The following FERRY3 variants were observed in gnomAD, a reference collection of about 807,000 sequenced individuals.
FERRY3 encodes protein C12orf4.
chr12:4,516,770 T>C, the FERRY3 span, among the ~76,000 whole-genome samples: 2 of 152,282 alleles, frequency 1.3e-5, no homozygotes, highest in Admixed American at 1.3e-4. Context: ...ACCTAGGCGA[T>C]GGGTTGATCT....
At chr12:4,537,747 G>A in the FERRY3 span, among the ~76,000 whole-genome samples, 18 of 152,062 alleles carry the variant, frequency 1.2e-4, no homozygotes, top group East Asian at 1.9e-4. Context: ...AAAATTAAAC[G>A]TAAAGCAATA....
chr12:4,517,149 G>C, the FERRY3 span: 2 of 1,589,510 alleles, frequency 1.3e-6, no homozygotes, highest in South Asian at 1.2e-5. Context: ...CAATTCGGGG[G>C]AAATGGAAGT....
the FERRY3 span, chr12:4,536,030 G>C: frequency 1.9e-6 from 3 of 1,558,006 alleles, no homozygotes; most frequent in Non-Finnish European, 2.6e-6. Flanking sequence ...TTTCTATAAA[G>C]CACGGTAAAC....
chr12:4,515,747 T>C, the FERRY3 span, among the ~76,000 whole-genome samples: 1 of 152,192 alleles, frequency 6.6e-6, no homozygotes, highest in African/African-American at 2.4e-5. Flanking sequence ...TGTGATTATA[T>C]TTAACAATAT....
At chr12:4,506,206 T>C in the FERRY3 span, among the ~76,000 whole-genome samples, 1 of 152,166 alleles carries the variant, frequency 6.6e-6, no homozygotes. Flanking sequence ...AAAGTAGCTA[T>C]CTTTAAGAGA....
chr12:4,515,313 G>A, the FERRY3 span, among the ~76,000 whole-genome samples: 4 of 152,230 alleles, frequency 2.6e-5, no homozygotes, highest in Non-Finnish European at 1.5e-5. Context: ...CTTATGATCC[G>A]GCAACTCCAC....
At chr12:4,504,229 G>A in the FERRY3 span, among the ~76,000 whole-genome samples, 2 of 152,166 alleles carry the variant, frequency 1.3e-5, no homozygotes, top group African/African-American at 4.8e-5. Flanking sequence ...TTCGTGTGTA[G>A]GTTAATGTGA....
the FERRY3 span, chr12:4,509,326 C>T: frequency 3.2e-4 from 58 of 179,798 alleles, 1 homozygote; most frequent in South Asian, 6.9e-3. Flanking sequence ...GGGGGAGGGG[C>T]GCCCGCCATT....
chr12:4,536,218 A>C, the FERRY3 span: 1 of 1,498,264 alleles, frequency 6.7e-7, no homozygotes, highest in Non-Finnish European at 9.0e-7. Context: ...ATTTCTACAG[A>C]ACTAACAAAA....
At chr12:4,522,818 A>G in the FERRY3 span, among the ~76,000 whole-genome samples, 2 of 152,278 alleles carry the variant, frequency 1.3e-5, no homozygotes, top group Non-Finnish European at 2.9e-5. Flanking sequence ...GGATGATAGA[A>G]TAGTACTGAG....
At chr12:4,501,271 T>C in the FERRY3 span, among the ~76,000 whole-genome samples, 1 of 152,238 alleles carries the variant, frequency 6.6e-6, no homozygotes, top group East Asian at 1.9e-4. Flanking sequence ...CCTTACTCCC[T>C]ACTTGTCCAC....
chr12:4,491,234 C>T, the FERRY3 span: 1 of 1,611,668 alleles, frequency 6.2e-7, no homozygotes, highest in South Asian at 1.1e-5. Flanking sequence ...ATAGTCATTT[C>T]CTAAAAACAG....
At chr12:4,534,117 AG>A in the FERRY3 span, 1 of 1,519,840 alleles carries the variant, frequency 6.6e-7, no homozygotes, top group Non-Finnish European at 8.8e-7. Flanking sequence ...ACCAAAATCC[AG>A]AATATCCTTG....
At chr12:4,491,053 A>G in the FERRY3 span, 1 of 811,948 alleles carries the variant, frequency 1.2e-6, no homozygotes, top group South Asian at 1.7e-5. Context: ...TTTGCTTGCT[A>G]AACTATCTAA....
the FERRY3 span, chr12:4,517,238 A>G: frequency 2.1e-6 from 3 of 1,440,610 alleles, no homozygotes; most frequent in Non-Finnish European, 2.8e-6. Flanking sequence ...ACTATCAAAT[A>G]TTTAGTATTT....
chr12:4,511,304 C>T, the FERRY3 span, among the ~76,000 whole-genome samples: 4 of 150,540 alleles, frequency 2.7e-5, no homozygotes. Flanking sequence ...GACTTTAACA[C>T]CCCACTGTCA....
the FERRY3 span, among the ~76,000 whole-genome samples, chr12:4,527,119 TA>T: frequency 1.3e-5 from 2 of 152,170 alleles, no homozygotes; most frequent in African/African-American, 4.8e-5. Flanking sequence ...CAAACAGATA[TA>T]AATATATATT....
the FERRY3 span, among the ~76,000 whole-genome samples, chr12:4,497,533 A>C: frequency 1.3e-5 from 2 of 152,298 alleles, no homozygotes; most frequent in East Asian, 3.9e-4. Context: ...AAACAACAAA[A>C]TCTTCATTAG....
the FERRY3 span, chr12:4,518,018 A>C: frequency 1.3e-5 from 20 of 1,552,342 alleles, no homozygotes; most frequent in Non-Finnish European, 1.8e-5. Flanking sequence ...GTGTTACAGG[A>C]TGAAATTTAA....
Sources: allele counts gnomAD v4.1 joint callset (sites outside exome capture counted in the v4.1 genomes callset), GRCh38; gene constraint gnomAD v4.1.1; transcripts MANE v1.5; gene names NCBI Gene and HGNC (gene_info 2026-07-23, HGNC 2026-07-21).